The following DYNLT3 variants were observed in gnomAD, a reference collection of about 807,000 sequenced individuals.
DYNLT3 encodes protein 91/23.
Under a neutral mutation model 11.0 loss-of-function variants are expected in DYNLT3, and 4 were observed. The observed-to-expected ratio is 0.36, with a 90% CI of 0.18 to 0.83. The LOEUF (loss-of-function observed/expected upper bound fraction) is 0.83. Ranked by LOEUF, DYNLT3 falls within the 40% of genes least tolerant of loss-of-function variation. The probability of loss-of-function intolerance (pLI) is 0.47; values close to 1 mark genes in which losing one functional copy is unlikely to be tolerated. For synonymous variants in DYNLT3, 37 were observed against 31.2 expected (o/e 1.18, Z -0.61); for missense variants, 91 against 91.1 (o/e 1.00, Z 0.01).
In DYNLT3 at chrX:37,839,106, A is replaced by G. The variant is rs1209054799; in HGVS notation, c.*1469T>C. The G allele has an allele frequency of 8.9e-6, 1 of 111,780 alleles. No homozygotes were observed. Among genetic ancestry groups the G allele is most frequent in the Non-Finnish European group, 1.9e-5 (1 of 53,170 alleles). 9.2% of individuals were successfully genotyped at this position (111,780 alleles called of 1,213,427 possible). ...TATTTTGTTAATATTATTCTTAAAC[A>G]TTGAACAATTATTAATTATTGTTAT... On this transcript the variant is annotated 3_prime_UTR_variant, in exon 5 of 5. Transcript: ENST00000378578.
At chrX:37,847,200 C>T in intron 1 of DYNLT3, 1 of 1,062,796 alleles carries the variant, frequency 9.4e-7, no homozygotes, top group Non-Finnish European at 1.2e-6. Flanking sequence ...CCCATGCCCA[C>T]TCCTCGCACC....
intron 4 of DYNLT3, 76 bp downstream of exon 4, chrX:37,840,952 T>A: frequency 9.8e-7 from 1 of 1,021,469 alleles, no homozygotes; most frequent in Non-Finnish European, 1.4e-6. Context: ...CAGAATTAAA[T>A]AAGTACTTGG....
rs1930119509 is a variant in DYNLT3 at position 37,840,466 on chromosome X, T to C, written c.*109A>G. On this transcript the variant is annotated 3_prime_UTR_variant, in exon 5 of 5. Coordinates refer to ENST00000378578, the MANE Select transcript of DYNLT3 (RefSeq NM_006520.3). ...AGTTTTTGTTGATAGCTTTAAAGCATATTGCACGCTTTTCATCTAGCACAC... is the reference window on the plus strand; with the variant it reads ...AGTTTTTGTTGATAGCTTTAAAGCACATTGCACGCTTTTCATCTAGCACAC... 2.4e-5 allele frequency: 15 copies of C among 627,103 alleles called. No individual in the cohort carries two copies. The South Asian group carries it at 6.0e-4, about 25-fold the overall frequency. 51.7% of individuals were successfully genotyped at this position (627,103 alleles called of 1,213,427 possible).
intron 2 of DYNLT3, among the ~76,000 whole-genome samples, chrX:37,842,494 T>A (rs941718656): frequency 8.9e-6 from 1 of 112,020 alleles, no homozygotes; most frequent in Non-Finnish European, 1.9e-5. Context: ...ACTAGCACAC[T>A]TGCCACTGAA....
intron 3 of DYNLT3, among the ~76,000 whole-genome samples, 155 bp from the exon 4 acceptor site, chrX:37,841,260 G>GA (rs940414477): frequency 1.3e-4 from 14 of 108,746 alleles, no homozygotes; most frequent in African/African-American, 3.3e-4. Flanking sequence ...CAAATAGATT[G>GA]AAAAAAAAAT....
At chrX:37,841,713 T>C in intron 3 of DYNLT3, 69 bp downstream of exon 3, 1 of 1,079,949 alleles carries the variant, frequency 9.3e-7, no homozygotes, top group Non-Finnish European at 1.2e-6. Context: ...ACATATACCT[T>C]CTCAAAATTC....
Position 37,847,258 on chromosome X carries a change from T to C in DYNLT3, c.30+223A>G, listed in dbSNP as rs1930283381. 8 of 919,817 alleles carry C rather than the reference T, an allele frequency of 8.7e-6. No individual in the cohort carries two copies. The Admixed American group carries it at 2.8e-4, about 32-fold the overall frequency. The allele number at this position is 919,817 out of a possible 1,213,427, so 75.8% of individuals were successfully genotyped here. A position where few individuals can be genotyped will look rare whatever the true frequency, so the allele number is the denominator to read the frequency against. On this transcript the variant is annotated intron_variant, in intron 1 of 4. Transcript: ENST00000378578. ...ACCCTGCCCCGACCCCACCGTCTGA[T>C]CCGCGCGCTCCTGGCCACCCCTCCC...
chrX:37,842,729 CT>C (rs1359999519), intron 2 of DYNLT3, among the ~76,000 whole-genome samples: 2 of 111,775 alleles, frequency 1.8e-5, no homozygotes, highest in African/African-American at 3.3e-5. Context: ...ACAGCATCAT[CT>C]TATCAGGTTG....
chrX:37,840,778 A>G (rs1282917082), intron 4 of DYNLT3, 127 bp from the exon 5 acceptor site: 1 of 387,682 alleles, frequency 2.6e-6, no homozygotes, highest in Non-Finnish European at 4.2e-6. Context: ...ACACACACAC[A>G]CACACACACA....
chrX:37,841,100 A>C lies in DYNLT3; in HGVS notation c.202T>G (p.Cys68Gly), dbSNP rs763241494. The change falls in exon 4 of 5, where the codon TGT (cysteine) becomes GGT (glycine). Residue 68 changes from cysteine to glycine, a missense_variant. By Grantham distance (159) the Cys-to-Gly change is radical. Transcript: ENST00000378578. ...TATGCGCTCTTCTGGACCACTGCAC[A>C]GGTCACTGCAAATAAAGTCACAGAA... ...LGKAYKYIVTCAVVQKSAYGF... is the reference protein window; with the variant it reads ...LGKAYKYIVTGAVVQKSAYGF... 1 of 1,201,640 alleles carries C rather than the reference A, an allele frequency of 8.3e-7. No homozygotes were observed.
intron 2 of DYNLT3, 152 bp from the exon 3 acceptor site, chrX:37,842,057 A>G (rs760137879): frequency 2.0e-6 from 1 of 504,936 alleles, no homozygotes; most frequent in South Asian, 7.1e-5. Flanking sequence ...GTAAACATTG[A>G]TTATGCACTG....
intron 2 of DYNLT3, among the ~76,000 whole-genome samples, chrX:37,845,829 A>G (rs781296395): frequency 1.6e-3 from 181 of 112,635 alleles, no homozygotes; most frequent in Admixed American, 3.1e-3. Context: ...ATAGCACACA[A>G]CAAAATATAG....
intron 3 of DYNLT3, 148 bp downstream of exon 3, chrX:37,841,634 G>C: frequency 1.7e-6 from 1 of 579,277 alleles, no homozygotes; most frequent in South Asian, 8.4e-5. Flanking sequence ...TATTATTATA[G>C]ATTATCTTTG....
Position 37,840,453 on chromosome X carries a change from T to C in DYNLT3, c.*122A>G. The C allele has an allele frequency of 3.9e-6, 2 of 518,156 alleles. No individual in the cohort carries two copies. Among genetic ancestry groups the C allele is most frequent in the Admixed American group, 5.3e-5 (1 of 18,949 alleles). The allele number at this position is 518,156 out of a possible 1,213,427, so 42.7% of individuals were successfully genotyped here. A position where few individuals can be genotyped will look rare whatever the true frequency, so the allele number is the denominator to read the frequency against. On this transcript the variant is annotated 3_prime_UTR_variant, in exon 5 of 5. Coordinates refer to ENST00000378578, the MANE Select transcript of DYNLT3 (RefSeq NM_006520.3). Reference sequence around the variant, plus strand: ...GCTTATAATATTCAGTTTTTGTTGATAGCTTTAAAGCATATTGCACGCTTT... The same window carrying C: ...GCTTATAATATTCAGTTTTTGTTGACAGCTTTAAAGCATATTGCACGCTTT...
At position 37,840,751 on chromosome X, in the gene DYNLT3, TACACACACACACACACACACACACAC is replaced by T. The variant is rs748163046; in HGVS notation, c.275-126_275-101del. The T allele has an allele frequency of 2.8e-5, 9 of 316,142 alleles. No homozygotes were observed. The East Asian group carries it at 4.0e-4, about 14-fold the overall frequency. The allele number at this position is 316,142 out of a possible 1,213,427, so 26.1% of individuals were successfully genotyped here. ...ACACACACACACACACACACACATA[TACACACACACACACACACACACACAC>T]ACACACACACACATATATATATATA... On this transcript the variant is annotated intron_variant, in intron 4 of 4. Coordinates refer to ENST00000378578, the MANE Select transcript of DYNLT3 (RefSeq NM_006520.3).
chrX:37,847,046 G>A lies in DYNLT3; in HGVS notation c.30+435C>T, dbSNP rs754986190. The A allele has an allele frequency of 3.3e-5, 39 of 1,164,216 alleles. No individual in the cohort carries two copies. In the Admixed American group the frequency reaches 3.6e-4, roughly 11 times the overall value. ...GCCTAATCCTGGCAAGCATTACCGGGAGCGGGAATGGCAGTGCCACCAGGA... is the reference window on the plus strand; with the variant it reads ...GCCTAATCCTGGCAAGCATTACCGGAAGCGGGAATGGCAGTGCCACCAGGA... On this transcript the variant is annotated intron_variant, in intron 1 of 4. Coordinates refer to ENST00000378578, the MANE Select transcript of DYNLT3 (RefSeq NM_006520.3).
intron 2 of DYNLT3, among the ~76,000 whole-genome samples, chrX:37,844,659 G>A (rs189206590): frequency 1.6e-3 from 183 of 112,208 alleles, no homozygotes; most frequent in Non-Finnish European, 2.8e-3. Flanking sequence ...CTCTTGTCCT[G>A]TCAGTTATTC....
At chrX:37,845,816 C>T (rs1285579831) in intron 2 of DYNLT3, among the ~76,000 whole-genome samples, 1 of 112,465 alleles carries the variant, frequency 8.9e-6, no homozygotes, top group African/African-American at 3.2e-5. Context: ...CCTCAAGATG[C>T]TGATAGCACA....
At chrX:37,840,707 AAT>A (rs745873902) in intron 4 of DYNLT3, 56 bp from the exon 5 acceptor site, 15,892 of 601,462 alleles carry the variant, frequency 0.026, 1 homozygote, top group East Asian at 0.059. Flanking sequence ...ATTATCAGAG[AAT>A]ATATATATAT....
Sources: gnomAD v4.1 joint callset for allele counts (sites outside exome capture counted in the v4.1 genomes callset) on GRCh38, gnomAD v4.1.1 for gene constraint, MANE v1.5 for transcripts, NCBI Gene and HGNC (gene_info 2026-07-23, HGNC 2026-07-21) for gene names.